ATL1: variants seen among roughly 807,000 people sequenced by gnomAD.
The protein encoded by ATL1 is atlastin-1.
In ATL1, 31 loss-of-function variants were observed where a neutral mutation model predicts 75.5. That is an observed-to-expected ratio of 0.41 (90% CI 0.31 to 0.55). The LOEUF (loss-of-function observed/expected upper bound fraction) is 0.55, where lower values mean the gene tolerates loss of function less well. Ranked by LOEUF, ATL1 falls within the 20% of genes least tolerant of loss-of-function variation. The pLI, the probability that ATL1 is intolerant of heterozygous loss-of-function variation, is 0.27. For missense variants in ATL1, 405 were observed against 662.6 expected, an observed-to-expected ratio of 0.61 and a Z score of 4.27; for synonymous variants, 226 against 233.3, an observed-to-expected ratio of 0.97 and a Z score of 0.28.
At chr14:50,569,008 CAT>C (rs1387272037) in intron 1 of ATL1, among the ~76,000 whole-genome samples, 1 of 151,982 alleles carries the variant, frequency 6.6e-6, no homozygotes, top group Non-Finnish European at 1.5e-5. Flanking sequence ...TAAAAGTATA[CAT>C]ATTGTGTGTC....
chr14:50,619,075 C>T (rs1018039), intron 8 of ATL1, among the ~76,000 whole-genome samples: 27,814 of 151,134 alleles, frequency 0.18, 3,135 homozygotes, highest in African/African-American at 0.32. Context: ...TATTTTGAGA[C>T]GGAGTCTCCC....
chr14:50,594,339 T>C (rs2140208548), intron 5 of ATL1, among the ~76,000 whole-genome samples: 1 of 152,254 alleles, frequency 6.6e-6, no homozygotes, highest in Middle Eastern at 3.4e-3. Context: ...CCTTGACACG[T>C]GGGGATTATG....
intron 6 of ATL1, among the ~76,000 whole-genome samples, chr14:50,604,571 A>G (rs1052898246): frequency 6.6e-6 from 1 of 152,120 alleles, no homozygotes; most frequent in Non-Finnish European, 1.5e-5. Context: ...GATATCCAGT[A>G]TTGTCTCTTT....
intron 1 of ATL1, among the ~76,000 whole-genome samples, chr14:50,587,046 C>G (rs994225462): frequency 6.6e-6 from 1 of 152,148 alleles, no homozygotes; most frequent in African/African-American, 2.4e-5. Context: ...ATTTCCTCAT[C>G]TATAATAATA....
chr14:50,548,995 C>T (rs2038668913), intron 1 of ATL1, among the ~76,000 whole-genome samples: 1 of 152,174 alleles, frequency 6.6e-6, no homozygotes, highest in South Asian at 2.1e-4. Flanking sequence ...TCTGGGGTGG[C>T]ACAATTACAC....
intron 1 of ATL1, among the ~76,000 whole-genome samples, chr14:50,541,774 A>T (rs941547820): frequency 6.6e-6 from 1 of 152,002 alleles, no homozygotes; most frequent in Non-Finnish European, 1.5e-5. Flanking sequence ...TAATCCCAGC[A>T]TTTAGGGAGG....
At chr14:50,542,006 C>CAAAAAAAA (rs59075218) in intron 1 of ATL1, among the ~76,000 whole-genome samples, 4 of 62,462 alleles carry the variant, frequency 6.4e-5, no homozygotes, top group African/African-American at 1.6e-4. Flanking sequence ...GATTCCGTCT[C>CAAAAAAAA]AAAAAAAAAA....
intron 1 of ATL1, among the ~76,000 whole-genome samples, chr14:50,575,193 C>G (rs987155490): frequency 6.6e-6 from 1 of 151,558 alleles, no homozygotes; most frequent in African/African-American, 2.4e-5. Context: ...GTGCCCTCAT[C>G]ATCATGTCAT....
chr14:50,561,899 G>A (rs890790367), intron 1 of ATL1, among the ~76,000 whole-genome samples: 7 of 152,156 alleles, frequency 4.6e-5, no homozygotes, highest in South Asian at 4.1e-4. Flanking sequence ...ATTAGGGTGC[G>A]TATATTCAAG....
intron 2 of ATL1, 73 bp downstream of exon 2, chr14:50,588,151 T>C: frequency 6.4e-7 from 1 of 1,572,228 alleles, no homozygotes; most frequent in Admixed American, 1.7e-5. Context: ...TTTCATGGTG[T>C]TCAAAATTTT....
chr14:50,564,674 A>AT lies in ATL1; in HGVS notation c.34+4375_34+4376insT, dbSNP rs2038885538. Reference sequence around the variant, plus strand: ...AAAAAAAAAAAAAAAAAAAAAAAAAAAAAGAAGAAGAAAAGGAAAAAGAAC... The same window carrying AT: ...AAAAAAAAAAAAAAAAAAAAAAAAAATAAAGAAGAAGAAAAGGAAAAAGAAC... On this transcript the variant is annotated intron_variant, in intron 1 of 13. Coordinates refer to ENST00000358385, the MANE Select transcript of ATL1 (RefSeq NM_015915.5). Among the ~76,000 whole-genome samples, 3 of 150,656 alleles carry AT rather than the reference A, an allele frequency of 2.0e-5. No individual in the cohort carries two copies. In the South Asian group the frequency reaches 6.3e-4, roughly 32 times the overall value.
intron 12 of ATL1, 38 bp downstream of exon 12, chr14:50,628,500 C>T (rs1328230430): frequency 6.3e-7 from 1 of 1,591,452 alleles, no homozygotes; most frequent in East Asian, 2.3e-5. Flanking sequence ...ATTCAGCACA[C>T]ATTTGAATGT....
chr14:50,614,567 A>T (rs2039396725), intron 8 of ATL1, 56 bp downstream of exon 8: 1 of 1,556,050 alleles, frequency 6.4e-7, no homozygotes, highest in Admixed American at 1.7e-5. Flanking sequence ...TAAAAATGTC[A>T]TTTTATCTAT....
At chr14:50,569,249 A>G (rs183449357) in intron 1 of ATL1, among the ~76,000 whole-genome samples, 78 of 152,032 alleles carry the variant, frequency 5.1e-4, no homozygotes, top group African/African-American at 1.7e-3. Flanking sequence ...AGCCCCAGCT[A>G]CTCCGGAGGC....
intron 1 of ATL1, among the ~76,000 whole-genome samples, chr14:50,582,208 G>A (rs2039062146): frequency 6.6e-6 from 1 of 151,630 alleles, no homozygotes; most frequent in Non-Finnish European, 1.5e-5. Flanking sequence ...AAACCCGGGA[G>A]GCAGAGGTTG....
At chr14:50,620,521 T>A in intron 8 of ATL1, 78 bp from the exon 9 acceptor site, 1 of 1,491,156 alleles carries the variant, frequency 6.7e-7, no homozygotes, top group Admixed American at 1.7e-5. Context: ...ATGGGGGAGA[T>A]CAAAGGATGT....
upstream of ATL1, among the ~76,000 whole-genome samples, chr14:50,556,488 G>C (rs1300709774): frequency 1.3e-5 from 2 of 152,112 alleles, no homozygotes; most frequent in East Asian, 3.8e-4. Flanking sequence ...AAAGTGCTGG[G>C]ATTACAGGCG....
At chr14:50,631,612 GAAC>G (rs932054023) in intron 13 of ATL1, among the ~76,000 whole-genome samples, 4 of 152,084 alleles carry the variant, frequency 2.6e-5, no homozygotes, top group South Asian at 2.1e-4. Flanking sequence ...AACCCACAGA[GAAC>G]AATAAGAGGT....
Position 50,628,072 on chromosome 14 carries a change from G to C in ATL1, c.1161G>C (p.Leu387Phe). ...AACCATTTCTGGCCCCAAATGACTT[G>C]CAGACCAAACACCTGCAACTTAAGG... ...GDKPFLAPND[L>F]QTKHLQLKEE... Residue 387 changes from leucine (L) to phenylalanine (F), a missense_variant, in exon 12 of 14, where the codon TTG becomes TTC. Leu to Phe is a conservative substitution (Grantham distance 22, BLOSUM62 0). Coordinates refer to ENST00000358385, the MANE Select transcript of ATL1 (RefSeq NM_015915.5). 1 of 1,614,170 alleles carries C rather than the reference G, an allele frequency of 6.2e-7. No homozygotes were observed. Among genetic ancestry groups the C allele is most frequent in the Non-Finnish European group, 8.5e-7 (1 of 1,180,034 alleles).
Sources: gnomAD v4.1 joint callset for allele counts (sites outside exome capture counted in the v4.1 genomes callset) on GRCh38, gnomAD v4.1.1 for gene constraint, MANE v1.5 for transcripts, NCBI Gene and HGNC (gene_info 2026-07-23, HGNC 2026-07-21) for gene names.